MGAT4A: variants seen among roughly 807,000 people sequenced by gnomAD.
MGAT4A encodes the protein N-acetylglucosaminyltransferase IVa.
Under a neutral mutation model 74.1 loss-of-function variants are expected in MGAT4A, and 33 were observed. The ratio of observed to expected loss-of-function variants is 0.45; its 90% CI spans 0.34 to 0.60. The LOEUF is 0.60. Among genes scored for constraint, MGAT4A ranks in the 20% least tolerant of loss-of-function variants. The probability of loss-of-function intolerance (pLI) is 0.02; values close to 1 mark genes in which losing one functional copy is unlikely to be tolerated. For synonymous variants in MGAT4A, 198 were observed against 210.4 expected, an observed-to-expected ratio of 0.94 and a Z score of 0.51; for missense variants, 479 against 628.3, an observed-to-expected ratio of 0.76 and a Z score of 2.54.
chr2:98,649,854 CCAA>C (rs942316598), intron 8 of MGAT4A, among the ~76,000 whole-genome samples: 1 of 151,950 alleles, frequency 6.6e-6, no homozygotes, highest in African/African-American at 2.4e-5. Context: ...TGCCAAGATC[CCAA>C]CAACAAAAAA....
chr2:98,656,290 AACT>A, intron 7 of MGAT4A, 59 bp downstream of exon 7: 1 of 1,150,622 alleles, frequency 8.7e-7, no homozygotes, highest in Non-Finnish European at 1.3e-6. Flanking sequence ...GATAAATAAA[AACT>A]ACATGTATTA....
At chr2:98,627,280 A>C (rs1296098453) in intron 14 of MGAT4A, among the ~76,000 whole-genome samples, 1 of 152,152 alleles carries the variant, frequency 6.6e-6, no homozygotes, top group African/African-American at 2.4e-5. Flanking sequence ...AAATGATTTG[A>C]CTGCAATGTT....
At chr2:98,684,222 T>G (rs1702099689) in intron 2 of MGAT4A, among the ~76,000 whole-genome samples, 2 of 152,238 alleles carry the variant, frequency 1.3e-5, no homozygotes, top group South Asian at 4.1e-4. Flanking sequence ...TTAATATGTT[T>G]GATAATTCCC....
chr2:98,723,581 G>C (rs564413503), intron 2 of MGAT4A, among the ~76,000 whole-genome samples: 1 of 152,306 alleles, frequency 6.6e-6, no homozygotes, highest in East Asian at 1.9e-4. Flanking sequence ...GAACCTTGCA[G>C]TACTGTGATT....
At chr2:98,632,255 C>T (rs1251501529) in intron 14 of MGAT4A, among the ~76,000 whole-genome samples, 2 of 152,168 alleles carry the variant, frequency 1.3e-5, no homozygotes, top group East Asian at 3.9e-4. Context: ...ACATTCACCC[C>T]TAGACACTGC....
At chr2:98,689,790 T>G (rs1331171646) in intron 2 of MGAT4A, among the ~76,000 whole-genome samples, 2 of 151,992 alleles carry the variant, frequency 1.3e-5, no homozygotes, top group Non-Finnish European at 2.9e-5. Flanking sequence ...GCCAGTGCAC[T>G]CCAGCCTGGG....
intron 6 of MGAT4A, 103 bp downstream of exon 6, chr2:98,658,115 C>A: frequency 2.7e-6 from 2 of 740,148 alleles, no homozygotes; most frequent in South Asian, 3.3e-5. Flanking sequence ...CAATGAACTC[C>A]ACAGAGAAAT....
chr2:98,626,563 T>C (rs956637679), intron 14 of MGAT4A, among the ~76,000 whole-genome samples: 1 of 152,196 alleles, frequency 6.6e-6, no homozygotes, highest in African/African-American at 2.4e-5. Context: ...ACTTTTTCTA[T>C]AAAGGACAGT....
intron 2 of MGAT4A, chr2:98,695,177 A>T (rs1378004398): frequency 6.6e-6 from 1 of 151,936 alleles, no homozygotes; most frequent in Non-Finnish European, 1.5e-5. Flanking sequence ...GCTGGACTAC[A>T]TGTGCTCACC....
chr2:98,684,750 T>C (rs1702105963), intron 2 of MGAT4A, among the ~76,000 whole-genome samples: 1 of 152,192 alleles, frequency 6.6e-6, no homozygotes, highest in South Asian at 2.1e-4. Context: ...ACCAGAGAAC[T>C]TTATTTTTTA....
At chr2:98,629,861 T>C (rs901000276) in intron 14 of MGAT4A, among the ~76,000 whole-genome samples, 2 of 152,098 alleles carry the variant, frequency 1.3e-5, no homozygotes, top group Non-Finnish European at 2.9e-5. Flanking sequence ...CTAGCCAACA[T>C]GGTGAAACCC....
At chr2:98,730,541 C>T (rs908814124) in intron 1 of MGAT4A, among the ~76,000 whole-genome samples, 1 of 152,176 alleles carries the variant, frequency 6.6e-6, no homozygotes, top group South Asian at 2.1e-4. Flanking sequence ...ACCGTCCGGC[C>T]CCGCCCACCT....
At chr2:98,729,440 T>C (rs1575288124) in intron 1 of MGAT4A, among the ~76,000 whole-genome samples, 1 of 152,170 alleles carries the variant, frequency 6.6e-6, no homozygotes, top group Admixed American at 6.5e-5. Flanking sequence ...AAGACACAGG[T>C]GACCCACATT....
intron 10 of MGAT4A, among the ~76,000 whole-genome samples, chr2:98,641,011 C>T (rs773002855): frequency 2.0e-5 from 3 of 152,096 alleles, no homozygotes; most frequent in Non-Finnish European, 4.4e-5. Context: ...ATTCCACAGA[C>T]AATCTCTGTC....
intron 5 of MGAT4A, among the ~76,000 whole-genome samples, chr2:98,661,529 G>A (rs12468113): frequency 0.55 from 84,296 of 151,980 alleles, 26,160 homozygotes; most frequent in African/African-American, 0.84. Flanking sequence ...AACAGAGATG[G>A]CCTACTTAAA....
chr2:98,677,614 G>A lies in MGAT4A; in HGVS notation c.262+690C>T, dbSNP rs377184528. On this transcript the variant is annotated intron_variant, in intron 3 of 15. Transcript: ENST00000393487. The stretch of plus-strand genomic sequence containing the variant: ...ACTACAGGCGCACACCAACATGCCC[G>A]GCTAATTTTTGTATTTTTAGTAGGG... 1.5e-4 allele frequency among the ~76,000 whole-genome samples: 23 copies of A among 151,882 alleles called. No individual in the cohort carries two copies. The East Asian group carries it at 3.3e-3, about 22-fold the overall frequency.
intron 10 of MGAT4A, among the ~76,000 whole-genome samples, chr2:98,640,936 TG>T (rs2104235416): frequency 6.6e-6 from 1 of 152,348 alleles, no homozygotes; most frequent in South Asian, 2.1e-4. Context: ...CGCATTTTGT[TG>T]CATGAAAGCA....
chr2:98,659,189 A>G (rs1335324143), intron 5 of MGAT4A, among the ~76,000 whole-genome samples: 1 of 152,206 alleles, frequency 6.6e-6, no homozygotes, highest in Non-Finnish European at 1.5e-5. Flanking sequence ...TTTCTCCTCT[A>G]AGAGGTAAAC....
chr2:98,662,742 G>A (rs1701770086), intron 5 of MGAT4A, among the ~76,000 whole-genome samples: 1 of 152,098 alleles, frequency 6.6e-6, no homozygotes, highest in South Asian at 2.1e-4. Context: ...TCAGGTTTCA[G>A]GACTCCCAAA....
Sources: allele counts gnomAD v4.1 joint callset (sites outside exome capture counted in the v4.1 genomes callset), GRCh38; gene constraint gnomAD v4.1.1; transcripts MANE v1.5; gene names NCBI Gene and HGNC (gene_info 2026-07-23, HGNC 2026-07-21).